Variants in NSUN6 observed in about 807,000 individuals in gnomAD.
NSUN6 encodes tRNA (cytosine(72)-C(5))-methyltransferase NSUN6.
In NSUN6, 64 loss-of-function variants were observed where a neutral mutation model predicts 58.0. The ratio of observed to expected loss-of-function variants is 1.10; its 90% CI spans 0.90 to 1.36. The LOEUF (loss-of-function observed/expected upper bound fraction) is 1.36, where lower values mean the gene tolerates loss of function less well. Among genes scored for constraint, NSUN6 ranks in the 40% most tolerant of loss-of-function variants. The pLI, the probability that NSUN6 is intolerant of heterozygous loss-of-function variation, is 0.00. For missense variants in NSUN6, 701 were observed against 550.1 expected (o/e 1.27, Z -2.74); for synonymous variants, 231 against 193.9 (o/e 1.19, Z -1.59).
chr10:18,597,648 C>G (rs1007564236), intron 6 of NSUN6, among the ~76,000 whole-genome samples: 10 of 152,162 alleles, frequency 6.6e-5, no homozygotes, highest in African/African-American at 2.2e-4. Flanking sequence ...TGCCTGTAAT[C>G]CCAGCTACTC....
upstream of NSUN6, chr10:18,651,855 G>A (rs2059715868): frequency 1.0e-6 from 1 of 985,342 alleles, no homozygotes; most frequent in Non-Finnish European, 1.2e-6. Context: ...GGTGCCAGGG[G>A]CAATGGGGAA....
intron 3 of NSUN6, among the ~76,000 whole-genome samples, chr10:18,618,076 T>C (rs747843072): frequency 2.0e-5 from 3 of 152,220 alleles, no homozygotes; most frequent in Non-Finnish European, 4.4e-5. Context: ...AGCCTTCACA[T>C]TGATTGATTT....
At chr10:18,621,827 T>C (rs1391742312) in intron 3 of NSUN6, among the ~76,000 whole-genome samples, 1 of 152,156 alleles carries the variant, frequency 6.6e-6, no homozygotes, top group East Asian at 1.9e-4. Flanking sequence ...TAACTGCACA[T>C]ATTCACAACC....
chr10:18,636,654 G>A (rs1444147487), intron 3 of NSUN6, among the ~76,000 whole-genome samples: 2 of 152,136 alleles, frequency 1.3e-5, no homozygotes, highest in Non-Finnish European at 2.9e-5. Context: ...AGCACTTTGG[G>A]AGGTGGAGGC....
upstream of NSUN6, among the ~76,000 whole-genome samples, chr10:18,656,447 G>T (rs1410480129): frequency 6.6e-6 from 1 of 152,184 alleles, no homozygotes; most frequent in Non-Finnish European, 1.5e-5. Flanking sequence ...TGAGGCAGGA[G>T]AACTGCTTGA....
At chr10:18,546,418 T>C (rs2054264683) in intron 10 of NSUN6, among the ~76,000 whole-genome samples, 2 of 152,178 alleles carry the variant, frequency 1.3e-5, no homozygotes, top group Non-Finnish European at 2.9e-5. Context: ...GCTTCCTAGT[T>C]GGAAACAAGT....
At position 18,573,479 on chromosome 10, in the gene NSUN6, T is replaced by C. The variant is rs146721656; in HGVS notation, c.922+12470A>G. Among the ~76,000 whole-genome samples the C allele has an allele frequency of 1.3e-3, 203 of 151,958 alleles. 4 individuals carry two copies. Among genetic ancestry groups the C allele is most frequent in the Admixed American group, 9.3e-3 (142 of 15,216 alleles). Reference sequence around the variant, plus strand: ...ATATTCCATTCCATTCTCCATTCCATTGCATTCTCCATACCATTCTACGTT... The same window carrying C: ...ATATTCCATTCCATTCTCCATTCCACTGCATTCTCCATACCATTCTACGTT... On this transcript the variant is annotated intron_variant, in intron 8 of 10. Coordinates refer to ENST00000377304, the MANE Select transcript of NSUN6 (RefSeq NM_182543.5).
At chr10:18,649,054 A>G (rs1333384983) in intron 1 of NSUN6, among the ~76,000 whole-genome samples, 10 of 152,242 alleles carry the variant, frequency 6.6e-5, no homozygotes, top group Non-Finnish European at 1.5e-5. Flanking sequence ...AGCTAACATC[A>G]TATCCAAGAG....
At chr10:18,615,280 T>C (rs1221630487) in intron 4 of NSUN6, among the ~76,000 whole-genome samples, 2 of 152,174 alleles carry the variant, frequency 1.3e-5, no homozygotes, top group Non-Finnish European at 2.9e-5. Context: ...TTATTTATAA[T>C]TGGAAATTAT....
chr10:18,566,287 C>CCATTCTATTCCATTCTCCATT (rs2055935706), intron 8 of NSUN6, among the ~76,000 whole-genome samples: 1 of 139,222 alleles, frequency 7.2e-6, no homozygotes, highest in Non-Finnish European at 1.6e-5. Context: ...CATTCTCCAT[C>CCATTCTATTCCATTCTCCATT]CCATTCTATT....
intron 8 of NSUN6, among the ~76,000 whole-genome samples, chr10:18,569,647 C>T (rs1401836809): frequency 6.6e-6 from 1 of 151,330 alleles, no homozygotes; most frequent in Non-Finnish European, 1.5e-5. Flanking sequence ...ATTCTCCATT[C>T]CATTATATTC....
chr10:18,594,810 A>G (rs1023184904), intron 7 of NSUN6, among the ~76,000 whole-genome samples: 2 of 152,174 alleles, frequency 1.3e-5, no homozygotes, highest in African/African-American at 4.8e-5. Context: ...TCTTCACCAG[A>G]TAATCCTGCA....
At chr10:18,579,211 C>T (rs922991635) in intron 8 of NSUN6, among the ~76,000 whole-genome samples, 1 of 152,092 alleles carries the variant, frequency 6.6e-6, no homozygotes, top group African/African-American at 2.4e-5. Flanking sequence ...CTCGCTCTGT[C>T]ACCCAGGCTG....
intron 6 of NSUN6, among the ~76,000 whole-genome samples, chr10:18,599,157 C>A (rs931860531): frequency 2.0e-5 from 3 of 152,190 alleles, no homozygotes; most frequent in Non-Finnish European, 4.4e-5. Context: ...CCCACATCAG[C>A]CTCCAAATGA....
At position 18,648,455 on chromosome 10, in the gene NSUN6, T is replaced by C; in HGVS notation, c.231+35A>G. On this transcript the variant is annotated intron_variant, in intron 2 of 10. Transcript: ENST00000377304. ...GAAAACATGGTAGATTGCAAAAATG[T>C]AATTATGTACAAATGACAGAAAATT... 2.1e-6 allele frequency: 3 copies of C among 1,436,460 alleles called. No homozygotes were observed. In the East Asian group the frequency reaches 6.9e-5, roughly 33 times the overall value. The allele number at this position is 1,436,460 out of a possible 1,614,324, so 89.0% of individuals were successfully genotyped here. A position where few individuals can be genotyped will look rare whatever the true frequency, so the allele number is the denominator to read the frequency against.
intron 8 of NSUN6, among the ~76,000 whole-genome samples, chr10:18,560,632 T>C (rs910064249): frequency 1.5e-5 from 2 of 130,860 alleles, no homozygotes; most frequent in Non-Finnish European, 3.2e-5. Context: ...GAATGGAATA[T>C]AAAGGAATGG....
intron 3 of NSUN6, among the ~76,000 whole-genome samples, chr10:18,622,211 A>G (rs187913627): frequency 6.6e-6 from 1 of 152,272 alleles, no homozygotes. Context: ...GAATGCTCAT[A>G]AATGGGATCA....
At chr10:18,605,492 G>A (rs2058016185) in intron 6 of NSUN6, among the ~76,000 whole-genome samples, 1 of 152,150 alleles carries the variant, frequency 6.6e-6, no homozygotes, top group Non-Finnish European at 1.5e-5. Flanking sequence ...AATCATCAAT[G>A]GATGCAAAAT....
intron 3 of NSUN6, among the ~76,000 whole-genome samples, chr10:18,638,815 G>C (rs2059301537): frequency 6.6e-6 from 1 of 152,010 alleles, no homozygotes. Flanking sequence ...AATCTGCTAA[G>C]TGACTGTACT....
Sources: gnomAD v4.1 joint callset for allele counts (sites outside exome capture counted in the v4.1 genomes callset) on GRCh38, gnomAD v4.1.1 for gene constraint, MANE v1.5 for transcripts, NCBI Gene and HGNC (gene_info 2026-07-23, HGNC 2026-07-21) for gene names.